ADIPOQ: variants seen among roughly 807,000 people sequenced by gnomAD.
The protein encoded by ADIPOQ is adiponectin, C1Q and collagen domain containing.
In ADIPOQ, 19 loss-of-function variants were observed where a neutral mutation model predicts 16.1. The ratio of observed to expected loss-of-function variants is 1.18; its 90% CI spans 0.82 to 1.73. ADIPOQ has a LOEUF of 1.73. Among genes scored for constraint, ADIPOQ ranks in the 40% most tolerant of loss-of-function variants. The pLI, the probability that ADIPOQ is intolerant of heterozygous loss-of-function variation, is 0.00. For missense variants in ADIPOQ, 323 were observed against 308.3 expected (o/e 1.05, Z -0.36); for synonymous variants, 124 against 125.5 (o/e 0.99, Z 0.08).
chr3:186,848,453 G>A (rs540894962), intron 1 of ADIPOQ, among the ~76,000 whole-genome samples: 4 of 152,246 alleles, frequency 2.6e-5, no homozygotes, highest in Admixed American at 2.6e-4. Flanking sequence ...CGATCCCTGA[G>A]AGACTCTGTT....
At chr3:186,853,001 G>T in intron 1 of ADIPOQ, 50 bp from the exon 2 acceptor site, 4 of 1,592,156 alleles carry the variant, frequency 2.5e-6, no homozygotes, top group Non-Finnish European at 1.7e-6. Flanking sequence ...AACTGGGTGT[G>T]TGTGTGGGGT....
intron 1 of ADIPOQ, among the ~76,000 whole-genome samples, chr3:186,844,535 C>T (rs1579202579): frequency 7.0e-6 from 1 of 143,772 alleles, no homozygotes; most frequent in East Asian, 2.0e-4. Flanking sequence ...AAAAAATAGA[C>T]ACAAGACTGG....
intron 1 of ADIPOQ, among the ~76,000 whole-genome samples, chr3:186,844,656 A>G (rs1206238280): frequency 6.6e-6 from 1 of 151,974 alleles, no homozygotes; most frequent in African/African-American, 2.4e-5. Flanking sequence ...TGACCCTCCC[A>G]TCTTAGCCTC....
chr3:186,853,188 C>G lies in ADIPOQ; in HGVS notation c.130C>G (p.Pro44Ala), dbSNP rs1711850721. ...CTGCACAGGTTGGATGGCGGGCATC[C>G]CAGGGCATCCGGGCCATAATGGGGC... ...GACTGWMAGI[P>A]GHPGHNGAPG... Residue 44 changes from proline to alanine, a missense_variant, in exon 2 of 3, where the codon CCA becomes GCA. Pro to Ala is a conservative substitution (Grantham distance 27). Coordinates refer to ENST00000320741, the MANE Select transcript of ADIPOQ (RefSeq NM_004797.4). 1.2e-6 allele frequency: 2 copies of G among 1,614,048 alleles called. No homozygotes were observed. The highest frequency in any genetic ancestry group is 2.7e-5 in the African/African-American group (2 of 75,060).
intron 1 of ADIPOQ, among the ~76,000 whole-genome samples, 151 bp downstream of exon 1, chr3:186,842,900 ACT>A (rs1024962261): frequency 2.0e-5 from 3 of 152,228 alleles, no homozygotes; most frequent in Admixed American, 6.5e-5. Context: ...GCAGATATGC[ACT>A]GGGCTTCTTC....
intron 1 of ADIPOQ, among the ~76,000 whole-genome samples, chr3:186,851,509 A>G (rs1458187268): frequency 1.3e-5 from 2 of 152,022 alleles, no homozygotes; most frequent in Admixed American, 1.3e-4. Flanking sequence ...TCAAAGAATG[A>G]TTTTGAGACA....
chr3:186,846,844 G>A (rs1711593288), intron 1 of ADIPOQ, among the ~76,000 whole-genome samples: 2 of 152,188 alleles, frequency 1.3e-5, no homozygotes, highest in African/African-American at 4.8e-5. Context: ...CCAGTGCTGG[G>A]ATTACAGTGG....
intron 1 of ADIPOQ, among the ~76,000 whole-genome samples, chr3:186,844,898 G>A (rs1037187762): frequency 6.6e-6 from 1 of 152,160 alleles, no homozygotes; most frequent in Non-Finnish European, 1.5e-5. Flanking sequence ...GGTGGTCCCA[G>A]ACATACGGCT....
intron 1 of ADIPOQ, among the ~76,000 whole-genome samples, chr3:186,851,720 T>C (rs1711773302): frequency 6.6e-6 from 1 of 152,136 alleles, no homozygotes; most frequent in African/African-American, 2.4e-5. Flanking sequence ...GCTTATTTAG[T>C]CCCTACTCTG....
rs1712064675 is a variant in ADIPOQ at position 186,857,845 on chromosome 3, T to C, written c.*3141T>C. The C allele has an allele frequency of 6.6e-6, 1 of 152,226 alleles. No homozygotes were observed. Among genetic ancestry groups the C allele is most frequent in the African/African-American group, 2.4e-5 (1 of 41,464 alleles). 9.4% of individuals were successfully genotyped at this position (152,226 alleles called of 1,614,324 possible). ...CTTCTTTATCTGTGATAATTTTCTG[T>C]GTTCTGAAGTCTACTTTGTCTAAAA... On this transcript the variant is annotated 3_prime_UTR_variant, in exon 3 of 3. Transcript: ENST00000320741.
chr3:186,845,814 T>C (rs1711561845), intron 1 of ADIPOQ, among the ~76,000 whole-genome samples: 1 of 152,160 alleles, frequency 6.6e-6, no homozygotes, highest in South Asian at 2.1e-4. Flanking sequence ...AAAATAAATT[T>C]TGAAAATGCC....
At chr3:186,849,817 G>T (rs1029443856) in intron 1 of ADIPOQ, among the ~76,000 whole-genome samples, 1 of 152,082 alleles carries the variant, frequency 6.6e-6, no homozygotes, top group African/African-American at 2.4e-5. Flanking sequence ...TCTTCAAGTG[G>T]GGAGAAATCA....
Position 186,854,508 on chromosome 3 carries a change from A to G in ADIPOQ, c.539A>G (p.Lys180Arg). The change falls in exon 3 of 3, where the codon AAG (lysine) becomes AGG (arginine). Residue 180 changes from lysine (K) to arginine (R), a missense_variant. Transcript: ENST00000320741. ...DVKVSLFKKDKAMLFTYDQYQ... is the reference protein window; with the variant it reads ...DVKVSLFKKDRAMLFTYDQYQ... ...AAGGTCAGCCTCTTCAAGAAGGACA[A>G]GGCTATGCTCTTCACCTATGATCAG... The G allele has an allele frequency of 1.9e-6, 3 of 1,614,236 alleles. No homozygotes were observed. Among genetic ancestry groups the G allele is most frequent in the East Asian group, 2.2e-5 (1 of 44,886 alleles).
Position 186,854,340 on chromosome 3 carries a change from C to G in ADIPOQ, c.371C>G (p.Thr124Ser). 1.2e-6 allele frequency: 2 copies of G among 1,614,210 alleles called. No homozygotes were observed. The highest frequency in any genetic ancestry group is 1.7e-6 in the Non-Finnish European group (2 of 1,180,024). Residue 124 changes from threonine (T) to serine (S), a missense_variant, in exon 3 of 3, where the codon ACT (threonine) becomes AGT (serine). Thr to Ser is a moderately conservative substitution (Grantham distance 58, BLOSUM62 1). Transcript: ENST00000320741. The stretch of plus-strand genomic sequence containing the variant: ...AGTGTGGGATTGGAGACTTACGTTA[C>G]TATCCCCAACATGCCCATTCGCTTT... Reference protein sequence around the residue: ...AFSVGLETYVTIPNMPIRFTK... With the variant: ...AFSVGLETYVSIPNMPIRFTK...
In ADIPOQ at chr3:186,855,046, A is replaced by G; in HGVS notation, c.*342A>G. Reference sequence around the variant, plus strand: ...TTTTACAGATTGTATCCTGAGGCTGAGAGAGTTAAGTGAATGTCTAAGGTC... The same window carrying G: ...TTTTACAGATTGTATCCTGAGGCTGGGAGAGTTAAGTGAATGTCTAAGGTC... On this transcript the variant is annotated 3_prime_UTR_variant, in exon 3 of 3. Coordinates refer to ENST00000320741, the MANE Select transcript of ADIPOQ (RefSeq NM_004797.4). 2.7e-6 allele frequency: 1 copy of G among 363,690 alleles called. No homozygotes were observed. Among genetic ancestry groups the G allele is most frequent in the Non-Finnish European group, 5.2e-6 (1 of 192,550 alleles). 22.5% of individuals were successfully genotyped at this position (363,690 alleles called of 1,614,324 possible). A position where few individuals can be genotyped will look rare whatever the true frequency, so the allele number is the denominator to read the frequency against.
intron 1 of ADIPOQ, among the ~76,000 whole-genome samples, chr3:186,847,435 G>A (rs1221538131): frequency 1.3e-5 from 2 of 152,118 alleles, no homozygotes; most frequent in Non-Finnish European, 2.9e-5. Flanking sequence ...CAACAACTAT[G>A]TTATTTATTA....
At chr3:186,851,389 C>T (rs78307795) in intron 1 of ADIPOQ, among the ~76,000 whole-genome samples, 166 of 152,156 alleles carry the variant, frequency 1.1e-3, no homozygotes, top group African/African-American at 3.8e-3. Context: ...AAGACTAAGA[C>T]CTCAGCAATC....
Position 186,856,166 on chromosome 3 carries a change from T to G in ADIPOQ, c.*1462T>G, listed in dbSNP as rs1711993830. ...ATTCTGAAGCCATTGTCTCCTTGAG[T>G]ACCAACAGGGTCAGGGAAGACTGGG... On this transcript the variant is annotated 3_prime_UTR_variant, in exon 3 of 3. Transcript: ENST00000320741. 6.6e-6 allele frequency: 1 copy of G among 152,192 alleles called. No homozygotes were observed. Among genetic ancestry groups the G allele is most frequent in the African/African-American group, 2.4e-5 (1 of 41,448 alleles). 9.4% of individuals were successfully genotyped at this position (152,192 alleles called of 1,614,324 possible). A position where few individuals can be genotyped will look rare whatever the true frequency, so the allele number is the denominator to read the frequency against.
chr3:186,854,970 C>T lies in ADIPOQ; in HGVS notation c.*266C>T. The T allele has an allele frequency of 2.0e-6, 1 of 505,614 alleles. No homozygotes were observed. Among genetic ancestry groups the T allele is most frequent in the Non-Finnish European group, 3.6e-6 (1 of 280,410 alleles). The allele number at this position is 505,614 out of a possible 1,614,324, so 31.3% of individuals were successfully genotyped here. On this transcript the variant is annotated 3_prime_UTR_variant, in exon 3 of 3. Transcript: ENST00000320741. ...GTGCTATTTTGTGCCCACTGTCTCT[C>T]CTGATGCTCATATCAATCCTATAAG...
Sources: gnomAD v4.1 joint callset for allele counts (sites outside exome capture counted in the v4.1 genomes callset) on GRCh38, gnomAD v4.1.1 for gene constraint, MANE v1.5 for transcripts, NCBI Gene and HGNC (gene_info 2026-07-23, HGNC 2026-07-21) for gene names.